AFDN: variants seen among roughly 807,000 people sequenced by gnomAD.
AFDN encodes afadin, adherens junction formation factor, also known as afadin.
AFDN carries 68 observed loss-of-function variants against 216.6 expected under a neutral mutation model. The ratio of observed to expected loss-of-function variants is 0.31; its 90% confidence interval spans 0.26 to 0.38. AFDN has a LOEUF of 0.38. Among genes scored for constraint, AFDN ranks in the 10% least tolerant of loss-of-function variants. The pLI is 1.00. For missense variants in AFDN, 2,136 were observed against 2,342.0 expected, an observed-to-expected ratio of 0.91 and a Z score of 1.82; for synonymous variants, 868 against 853.7, an observed-to-expected ratio of 1.02 and a Z score of -0.29.
At chr6:167,901,644 T>A (rs1348978474) in intron 11 of AFDN, among the ~76,000 whole-genome samples, 1 of 152,196 alleles carries the variant, frequency 6.6e-6, no homozygotes, top group East Asian at 1.9e-4. Context: ...AGCTCACCGC[T>A]GTTCCTCATG....
At position 167,890,929 on chromosome 6, in the gene AFDN, G is replaced by A. The variant is rs757749421; in HGVS notation, c.1077G>A (p.Leu359=). 16 of 1,613,960 alleles carry A rather than the reference G, an allele frequency of 9.9e-6. No homozygotes were observed. Among genetic ancestry groups the A allele is most frequent in the Admixed American group, 1.7e-5 (1 of 60,000 alleles). The change falls in exon 8 of 34, where the codon TTG becomes TTA. Residue 359 remains leucine (L), a synonymous_variant. Transcript: ENST00000683244. ...DHIPKKTKKH[L]EGKTPKGKER... is the part of the protein sequence containing the mutation. The stretch of plus-strand genomic sequence containing the variant: ...TCCCAAAGAAAACCAAGAAACACTT[G>A]GAAGGCAAGACACCCAAGGGAAAGG...
At chr6:167,853,527 T>G (rs983903901) in intron 1 of AFDN, among the ~76,000 whole-genome samples, 10 of 152,074 alleles carry the variant, frequency 6.6e-5, no homozygotes, top group African/African-American at 2.2e-4. Context: ...TTCAGTTTGT[T>G]TTATGTTTCC....
chr6:167,864,394 C>G (rs1369370273), intron 1 of AFDN, 157 bp from the exon 2 acceptor site: 2 of 802,736 alleles, frequency 2.5e-6, no homozygotes, highest in South Asian at 2.7e-5. Flanking sequence ...AGAAATGAAA[C>G]TTGAAGACTA....
chr6:167,960,832 A>T (rs977867792), intron 30 of AFDN, among the ~76,000 whole-genome samples: 2 of 152,194 alleles, frequency 1.3e-5, no homozygotes, highest in African/African-American at 4.8e-5. Context: ...TACTCCTGCT[A>T]TAAGCCCCCT....
At chr6:167,890,093 CTG>C (rs1446420773) in intron 7 of AFDN, among the ~76,000 whole-genome samples, 3 of 152,152 alleles carry the variant, frequency 2.0e-5, no homozygotes, top group African/African-American at 7.2e-5. Flanking sequence ...CATAAGTTAA[CTG>C]TTAACTCCAT....
At chr6:167,969,711 C>T in intron 33 of AFDN, 71 bp from the exon 34 acceptor site, 1 of 1,450,812 alleles carries the variant, frequency 6.9e-7, no homozygotes, top group Non-Finnish European at 9.3e-7. Context: ...GCCCATTTTG[C>T]AAACGTGTGT....
At chr6:167,907,734 GT>G (rs1789880840) in intron 13 of AFDN, among the ~76,000 whole-genome samples, 1 of 151,916 alleles carries the variant, frequency 6.6e-6, no homozygotes, top group Admixed American at 6.6e-5. Context: ...ATTATGTCTT[GT>G]GCTCTAATGT....
Position 167,898,914 on chromosome 6 carries a change from A to G in AFDN, c.1580+447A>G, listed in dbSNP as rs947602664. 4.6e-5 allele frequency among the ~76,000 whole-genome samples: 7 copies of G among 152,342 alleles called. No individual in the cohort carries two copies. The South Asian group carries it at 1.4e-3, about 32-fold the overall frequency. On this transcript the variant is annotated intron_variant, in intron 11 of 33. Transcript: ENST00000683244. The stretch of plus-strand genomic sequence containing the variant: ...TTCTGAAGACTTGCATTGTGGGCTT[A>G]GTAAGGGAAAACAGAAAGCCTTTCT...
chr6:167,845,437 T>A (rs1037134192), intron 1 of AFDN, among the ~76,000 whole-genome samples: 1 of 151,832 alleles, frequency 6.6e-6, no homozygotes, highest in Non-Finnish European at 1.5e-5. Flanking sequence ...TACTCTTGTT[T>A]CCCAGGTTGG....
At chr6:167,866,472 G>T (rs575056234) in intron 2 of AFDN, among the ~76,000 whole-genome samples, 2 of 152,280 alleles carry the variant, frequency 1.3e-5, no homozygotes, top group South Asian at 4.1e-4. Flanking sequence ...CTAATAGTCC[G>T]TTTCATTAAG....
chr6:167,844,207 T>C (rs1005289208), intron 1 of AFDN, among the ~76,000 whole-genome samples: 2 of 151,642 alleles, frequency 1.3e-5, no homozygotes, highest in Non-Finnish European at 2.9e-5. Flanking sequence ...TGTGTGTGTG[T>C]GTGTGTGTGT....
intron 1 of AFDN, among the ~76,000 whole-genome samples, chr6:167,834,805 T>C (rs1261031511): frequency 6.6e-6 from 1 of 151,790 alleles, no homozygotes; most frequent in Non-Finnish European, 1.5e-5. Context: ...CACAGTGAGG[T>C]CCCGTCTCTA....
At chr6:167,844,177 A>AGTGTGT (rs71004173) in intron 1 of AFDN, among the ~76,000 whole-genome samples, 2,737 of 141,752 alleles carry the variant, frequency 0.019, 77 homozygotes, top group African/African-American at 0.063. Flanking sequence ...TCAAAAATGA[A>AGTGTGT]GTGTGTGTGT....
intron 3 of AFDN, among the ~76,000 whole-genome samples, 177 bp from the exon 4 acceptor site, chr6:167,872,037 C>T (rs1183463264): frequency 6.6e-6 from 1 of 152,060 alleles, no homozygotes; most frequent in Non-Finnish European, 1.5e-5. Flanking sequence ...ATAAATACAC[C>T]CATGTAACTG....
In AFDN at chr6:167,962,646, GA is replaced by G. The variant is rs1403762006; in HGVS notation, c.4968+81del. Reference sequence around the variant, plus strand: ...CGATTGGCTGGGGCAGAGCGGGCTGGAAGTTCTGTGTTTCTTAAGAAGCACG... The same window carrying G: ...CGATTGGCTGGGGCAGAGCGGGCTGGAGTTCTGTGTTTCTTAAGAAGCACG... On this transcript the variant is annotated intron_variant, in intron 31 of 33. Coordinates refer to ENST00000683244, the MANE Select transcript of AFDN (RefSeq NM_001386888.1). The surrounding 1 kb of genome is among the most constrained non-coding windows in gnomAD (Gnocchi z 5.2). 7.5e-6 allele frequency: 12 copies of G among 1,598,672 alleles called. No homozygotes were observed. The African/African-American group carries it at 1.5e-4, about 20-fold the overall frequency.
chr6:167,870,544 T>TC, intron 3 of AFDN, 46 bp downstream of exon 3: 3 of 1,179,452 alleles, frequency 2.5e-6, no homozygotes, highest in Non-Finnish European at 3.7e-6. Context: ...CAGGGCCAGG[T>TC]CTGACTGATA....
At chr6:167,912,373 A>G (rs1790508244) in intron 15 of AFDN, among the ~76,000 whole-genome samples, 1 of 152,204 alleles carries the variant, frequency 6.6e-6, no homozygotes, top group Admixed American at 6.5e-5. Context: ...ACATAGATAG[A>G]TTGGTTGCTT....
chr6:167,915,100 CT>C, intron 18 of AFDN, 67 bp from the exon 19 acceptor site: 3 of 1,525,938 alleles, frequency 2.0e-6, no homozygotes, highest in Non-Finnish European at 2.7e-6. Context: ...TCTAAATCTG[CT>C]GCACATTCAA....
intron 21 of AFDN, among the ~76,000 whole-genome samples, chr6:167,920,786 A>G (rs1316453445): frequency 6.6e-6 from 1 of 151,886 alleles, no homozygotes; most frequent in Non-Finnish European, 1.5e-5. Flanking sequence ...TCGGTACTCT[A>G]CTCCTGCTCC....
Sources: allele counts gnomAD v4.1 joint callset (sites outside exome capture counted in the v4.1 genomes callset), GRCh38; gene constraint gnomAD v4.1.1; non-coding constraint Gnocchi (gnomAD v3.1); transcripts MANE v1.5; gene names NCBI Gene and HGNC (gene_info 2026-07-23, HGNC 2026-07-21).